The following CCNY variants were observed in gnomAD, a reference collection of about 807,000 sequenced individuals.
CCNY encodes the protein cyclin-Y.
A neutral mutation model predicts 42.8 loss-of-function variants in CCNY; 19 were observed. The observed-to-expected ratio is 0.44, with a 90% confidence interval of 0.31 to 0.65. CCNY has a LOEUF of 0.65. CCNY is among the 30% of genes least tolerant of loss of function. CCNY has a pLI of 0.07. For synonymous variants in CCNY, 165 were observed against 162.7 expected (o/e 1.01, Z -0.11); for missense variants, 370 against 437.3 (o/e 0.85, Z 1.37).
At chr10:35,278,791 G>A (rs150975334) in intron 3 of CCNY, among the ~76,000 whole-genome samples, 9 of 152,282 alleles carry the variant, frequency 5.9e-5, no homozygotes, top group East Asian at 5.8e-4. Context: ...AGTAAGTGAC[G>A]CAGCTGTGAA....
intron 1 of CCNY, among the ~76,000 whole-genome samples, chr10:35,418,727 G>A (rs1838082031): frequency 3.3e-5 from 5 of 152,148 alleles, no homozygotes; most frequent in Admixed American, 3.3e-4. Flanking sequence ...CAGAATGCCT[G>A]GTATGAACCC....
intron 3 of CCNY, among the ~76,000 whole-genome samples, chr10:35,504,437 CAG>C (rs1007641395): frequency 3.8e-4 from 58 of 152,268 alleles, no homozygotes; most frequent in African/African-American, 1.2e-3. Flanking sequence ...AAGAGAGACT[CAG>C]AGGATTAAGT....
chr10:35,511,856 A>G (rs561943671), intron 3 of CCNY, among the ~76,000 whole-genome samples: 38 of 152,114 alleles, frequency 2.5e-4, no homozygotes, highest in Non-Finnish European at 4.6e-4. Flanking sequence ...ACCTGGAGAG[A>G]TGGAGAGTTG....
intron 2 of CCNY, among the ~76,000 whole-genome samples, chr10:35,484,726 T>G (rs1318922079): frequency 6.6e-6 from 1 of 152,110 alleles, no homozygotes; most frequent in African/African-American, 2.4e-5. Context: ...ACACTGATAG[T>G]ACTATAAAAA....
chr10:35,414,785 C>T (rs1837989816), intron 1 of CCNY, among the ~76,000 whole-genome samples: 2 of 152,182 alleles, frequency 1.3e-5, no homozygotes, highest in South Asian at 4.1e-4. Context: ...GTGAACTGGT[C>T]TTTGAAGTGG....
In CCNY at chr10:35,363,400, G is replaced by A. The variant is rs113113567; in HGVS notation, c.154+26193G>A. ...TCCCAGGTGGTTGGGGGGCCGGGCA[G>A]AGGTGCTCCTCTCTTCCCAGACGGT... On this transcript the variant is annotated intron_variant, in intron 1 of 9. Transcript: ENST00000374704. Among the ~76,000 whole-genome samples the A allele has an allele frequency of 3.4e-3, 505 of 150,150 alleles. 4 individuals are homozygous for A. Among genetic ancestry groups the A allele is most frequent in the African/African-American group, 0.012 (476 of 39,662 alleles).
intron 4 of CCNY, among the ~76,000 whole-genome samples, chr10:35,521,874 G>T (rs1023041101): frequency 3.9e-5 from 6 of 152,030 alleles, no homozygotes; most frequent in Non-Finnish European, 8.8e-5. Context: ...CTGAAATAGG[G>T]GAAGTAAAAA....
chr10:35,337,255 G>T (rs1350513539), intron 1 of CCNY, 48 bp downstream of exon 1: 2 of 1,439,538 alleles, frequency 1.4e-6, no homozygotes, highest in Non-Finnish European at 1.8e-6. Context: ...GGCAACAGTC[G>T]CACAGCCAAC....
At chr10:35,504,029 T>A (rs1840165560) in intron 3 of CCNY, among the ~76,000 whole-genome samples, 1 of 152,254 alleles carries the variant, frequency 6.6e-6, no homozygotes, top group Admixed American at 6.5e-5. Flanking sequence ...ATAGTTATTT[T>A]TCGCCCTTAT....
chr10:35,444,224 T>C (rs142477874), intron 1 of CCNY, among the ~76,000 whole-genome samples: 218 of 151,808 alleles, frequency 1.4e-3, no homozygotes, highest in Non-Finnish European at 1.9e-3. Flanking sequence ...TGCCTGAGGC[T>C]GTTTCACAGT....
At chr10:35,554,867 C>T (rs1350546057) in intron 8 of CCNY, among the ~76,000 whole-genome samples, 1 of 152,106 alleles carries the variant, frequency 6.6e-6, no homozygotes, top group Non-Finnish European at 1.5e-5. Context: ...CAAAAGAGAA[C>T]AGAGAAAAAT....
chr10:35,263,819 T>C (rs1279237143), intron 3 of CCNY, among the ~76,000 whole-genome samples: 1 of 152,208 alleles, frequency 6.6e-6, no homozygotes, highest in Non-Finnish European at 1.5e-5. Flanking sequence ...CATTAGCTAT[T>C]CTTCCTGATG....
At chr10:35,347,346 T>G in intron 1 of CCNY, 57 of 555,060 alleles carry the variant, frequency 1.0e-4, no homozygotes, top group Non-Finnish European at 1.2e-4. Flanking sequence ...GTTTGCTTTG[T>G]GAGCTTTGCA....
Position 35,419,547 on chromosome 10 carries a change from TTA to T in CCNY, c.155-63856_155-63855del, listed in dbSNP as rs112754883. Among the ~76,000 whole-genome samples, 413 of 151,594 alleles carry T rather than the reference TTA, an allele frequency of 2.7e-3. 19 individuals are homozygous for T. In the East Asian group the frequency reaches 0.064, roughly 24 times the overall value. ...TTAGACCGTTCCTTTTTTTTTTTTT[TTA>T]GCAATCTGGAGGATTTTTAAGGTGA... is the stretch of plus-strand genomic sequence containing the variant. On this transcript the variant is annotated intron_variant, in intron 1 of 9. Transcript: ENST00000374704.
In CCNY at chr10:35,465,938, A is replaced by AGAGAGTGTGT; in HGVS notation, c.155-17465_155-17464insAGAGTGTGTG. ...GAGAGAGAGAGAGAGAGAGAGAGAG[A>AGAGAGTGTGT]GTGTGTGTGTGTGTGTGTGTGTCTG... On this transcript the variant is annotated intron_variant, in intron 1 of 9. Coordinates refer to ENST00000374704, the MANE Select transcript of CCNY (RefSeq NM_145012.6). 1.9e-3 allele frequency among the ~76,000 whole-genome samples: 157 copies of AGAGAGTGTGT among 80,996 alleles called. 2 individuals are homozygous for AGAGAGTGTGT. The highest frequency in any genetic ancestry group is 7.8e-3 in the East Asian group (20 of 2,548). The allele number at this position is 80,996 out of a possible 152,430, so 53.1% of individuals were successfully genotyped here. A position where few individuals can be genotyped will look rare whatever the true frequency, so the allele number is the denominator to read the frequency against.
intron 1 of CCNY, among the ~76,000 whole-genome samples, chr10:35,354,827 A>T (rs1005583153): frequency 2.0e-5 from 3 of 151,820 alleles, no homozygotes; most frequent in Non-Finnish European, 4.4e-5. Context: ...GTCTGTAGGA[A>T]CTGAGGCAGC....
intron 3 of CCNY, among the ~76,000 whole-genome samples, chr10:35,293,922 C>G (rs1045890286): frequency 3.3e-5 from 5 of 151,886 alleles, no homozygotes; most frequent in African/African-American, 1.2e-4. Context: ...TCCCGAGTAG[C>G]TGAGATTACA....
intron 1 of CCNY, among the ~76,000 whole-genome samples, chr10:35,427,006 A>G (rs1181765356): frequency 6.6e-6 from 1 of 152,240 alleles, no homozygotes; most frequent in Non-Finnish European, 1.5e-5. Flanking sequence ...AACAATTTCT[A>G]AGACACATTA....
intron 1 of CCNY, among the ~76,000 whole-genome samples, chr10:35,383,348 C>T (rs771629440): frequency 1.4e-3 from 218 of 151,834 alleles, no homozygotes; most frequent in Non-Finnish European, 2.1e-3. Context: ...TGCTCTGTTG[C>T]CCAGGCTGGA....
Sources: gnomAD v4.1 joint callset for allele counts (sites outside exome capture counted in the v4.1 genomes callset) on GRCh38, gnomAD v4.1.1 for gene constraint, MANE v1.5 for transcripts, NCBI Gene and HGNC (gene_info 2026-07-23, HGNC 2026-07-21) for gene names.